The following WWOX variants were observed in gnomAD, a reference collection of about 807,000 sequenced individuals.
The protein encoded by WWOX is WW domain-containing oxidoreductase.
In WWOX, 69 loss-of-function variants were observed where a neutral mutation model predicts 46.2. The ratio of observed to expected loss-of-function variants is 1.49; its 90% CI spans 1.23 to 1.82. WWOX has a LOEUF of 1.82. Among genes scored for constraint, WWOX ranks in the 40% most tolerant of loss-of-function variants. WWOX has a pLI of 0.00. For missense variants in WWOX, 919 were observed against 542.6 expected (o/e 1.69, Z -6.89); for synonymous variants, 359 against 202.6 (o/e 1.77, Z -6.56).
intron 8 of WWOX, among the ~76,000 whole-genome samples, chr16:78,659,775 A>G (rs769731122): frequency 2.0e-5 from 3 of 152,188 alleles, no homozygotes; most frequent in Non-Finnish European, 4.4e-5. Context: ...GTGTCATGTC[A>G]AAGATAAAGG....
chr16:78,353,638 T>A (rs2081226885), intron 5 of WWOX, among the ~76,000 whole-genome samples: 1 of 152,232 alleles, frequency 6.6e-6, no homozygotes, highest in Admixed American at 6.5e-5. Context: ...ATCTTTGCCA[T>A]TACCTGCAGT....
chr16:78,221,468 T>A (rs2036886430), intron 5 of WWOX, among the ~76,000 whole-genome samples: 1 of 152,144 alleles, frequency 6.6e-6, no homozygotes, highest in East Asian at 1.9e-4. Flanking sequence ...CTATTTCCAT[T>A]AATGGTGGAC....
intron 8 of WWOX, among the ~76,000 whole-genome samples, chr16:78,460,944 G>C (rs1349614587): frequency 6.6e-6 from 1 of 152,022 alleles, no homozygotes; most frequent in African/African-American, 2.4e-5. Context: ...GTAGTGACAG[G>C]GGTATCAGTA....
chr16:78,178,110 T>C (rs2035407998), intron 5 of WWOX, among the ~76,000 whole-genome samples: 1 of 152,180 alleles, frequency 6.6e-6, no homozygotes, highest in South Asian at 2.1e-4. Flanking sequence ...CAGGAAGTGC[T>C]GACAGTGAAG....
intron 8 of WWOX, among the ~76,000 whole-genome samples, chr16:78,561,509 T>G (rs1463654787): frequency 1.3e-5 from 2 of 151,960 alleles, no homozygotes; most frequent in Admixed American, 1.3e-4. Flanking sequence ...ACTCAGTAAC[T>G]GGAAGAATGC....
chr16:78,455,150 C>T (rs2083784512), intron 8 of WWOX, among the ~76,000 whole-genome samples: 1 of 152,086 alleles, frequency 6.6e-6, no homozygotes, highest in Admixed American at 6.6e-5. Context: ...GAAGAGGAGT[C>T]AGATAAAGTT....
chr16:78,888,097 G>A (rs947332162), intron 8 of WWOX, among the ~76,000 whole-genome samples: 9 of 152,178 alleles, frequency 5.9e-5, no homozygotes, highest in African/African-American at 2.2e-4. Flanking sequence ...AATCATCTTT[G>A]TGAAATCAAC....
chr16:78,943,969 T>C (rs1295793527), intron 8 of WWOX, among the ~76,000 whole-genome samples: 1 of 152,192 alleles, frequency 6.6e-6, no homozygotes, highest in Admixed American at 6.5e-5. Flanking sequence ...AGAGTTCATT[T>C]TCAGGTCCTT....
chr16:79,158,303 A>G (rs1355597146), intron 8 of WWOX, among the ~76,000 whole-genome samples: 1 of 152,230 alleles, frequency 6.6e-6, no homozygotes, highest in Admixed American at 6.5e-5. Flanking sequence ...AGACAGAGAA[A>G]CAAGACTAGC....
chr16:79,013,097 A>C (rs2047344679), intron 8 of WWOX, among the ~76,000 whole-genome samples: 2 of 152,204 alleles, frequency 1.3e-5, no homozygotes, highest in Admixed American at 6.5e-5. Flanking sequence ...ACCAGTGAGC[A>C]GGAAGTTGGT....
At chr16:78,319,081 T>G (rs1239310346) in intron 5 of WWOX, among the ~76,000 whole-genome samples, 3 of 151,968 alleles carry the variant, frequency 2.0e-5, no homozygotes, top group African/African-American at 7.3e-5. Flanking sequence ...CCAGGATTCC[T>G]AAAAGGGGGA....
chr16:78,161,605 CCTGGCTATTTCTTTT>C (rs1319461332), intron 4 of WWOX, among the ~76,000 whole-genome samples: 2 of 152,128 alleles, frequency 1.3e-5, no homozygotes, highest in African/African-American at 2.4e-5. Context: ...TGCCACCACA[CCTGGCTATTTCTTTT>C]TTAATTTTAA....
chr16:78,440,507 C>G (rs983519277), intron 8 of WWOX, among the ~76,000 whole-genome samples: 4 of 152,162 alleles, frequency 2.6e-5, no homozygotes, highest in Admixed American at 6.5e-5. Context: ...TACTGCCTGA[C>G]TCGTAGTAGC....
intron 8 of WWOX, among the ~76,000 whole-genome samples, chr16:78,649,267 G>A (rs891766081): frequency 6.6e-5 from 10 of 152,160 alleles, no homozygotes; most frequent in African/African-American, 2.4e-4. Context: ...TTACAGGCGT[G>A]AGCCACCGTG....
chr16:79,019,650 C>G (rs769680639), intron 8 of WWOX, among the ~76,000 whole-genome samples: 3 of 151,858 alleles, frequency 2.0e-5, no homozygotes, highest in African/African-American at 4.8e-5. Context: ...CATGTGCATA[C>G]TGGATAAGCA....
chr16:78,356,159 C>G (rs2081285511), intron 5 of WWOX, among the ~76,000 whole-genome samples: 1 of 148,048 alleles, frequency 6.8e-6, no homozygotes, highest in African/African-American at 2.5e-5. Flanking sequence ...TGCACTCCAG[C>G]TTGGGCGACA....
intron 6 of WWOX, among the ~76,000 whole-genome samples, chr16:78,419,290 C>T (rs141505429): frequency 1.3e-5 from 2 of 152,094 alleles, no homozygotes; most frequent in South Asian, 2.1e-4. Context: ...AAAAGCTGAT[C>T]CTACATTTTG....
intron 6 of WWOX, among the ~76,000 whole-genome samples, chr16:78,391,587 C>A (rs766227953): frequency 2.6e-5 from 4 of 152,214 alleles, no homozygotes; most frequent in Non-Finnish European, 5.9e-5. Context: ...GTGGCTCACA[C>A]ATGTAATCCC....
chr16:78,625,751 C>A, intron 8 of WWOX, among the ~76,000 whole-genome samples: 1 of 132,000 alleles, frequency 7.6e-6, no homozygotes, highest in African/African-American at 3.0e-5. Context: ...AGTTTTTTTG[C>A]CATTTGCCAA....
Sources: gnomAD v4.1 joint callset for allele counts (sites outside exome capture counted in the v4.1 genomes callset) on GRCh38, gnomAD v4.1.1 for gene constraint, MANE v1.5 for transcripts, NCBI Gene and HGNC (gene_info 2026-07-23, HGNC 2026-07-21) for gene names.